SLC24A3: variants seen among roughly 807,000 people sequenced by gnomAD.
SLC24A3 encodes the protein sodium/potassium/calcium exchanger 3.
SLC24A3 carries 28 observed loss-of-function variants against 75.8 expected under a neutral mutation model. The observed-to-expected ratio is 0.37, with a 90% confidence interval of 0.27 to 0.51. SLC24A3 has a LOEUF of 0.51. Among genes scored for constraint, SLC24A3 ranks in the 20% least tolerant of loss-of-function variants. The probability of loss-of-function intolerance (pLI) is 0.94; values close to 1 mark genes in which losing one functional copy is unlikely to be tolerated. For synonymous variants in SLC24A3, 372 were observed against 334.1 expected (o/e 1.11, Z -1.24); for missense variants, 663 against 847.8 (o/e 0.78, Z 2.71).
At chr20:19,343,569 A>G (rs1568594954) in intron 2 of SLC24A3, among the ~76,000 whole-genome samples, 2 of 152,110 alleles carry the variant, frequency 1.3e-5, no homozygotes, top group Non-Finnish European at 2.9e-5. Flanking sequence ...AAGGAGAAAA[A>G]AAAAATGGTG....
At position 19,721,720 on chromosome 20, in the gene SLC24A3, A is replaced by C. The variant is rs2033106366; in HGVS notation, c.*580A>C. 6.5e-6 allele frequency: 1 copy of C among 152,996 alleles called. No individual in the cohort carries two copies. Among genetic ancestry groups the C allele is most frequent in the South Asian group, 2.1e-4 (1 of 4,840 alleles). The allele number at this position is 152,996 out of a possible 1,614,324, so 9.5% of individuals were successfully genotyped here. On this transcript the variant is annotated 3_prime_UTR_variant, in exon 17 of 17. Coordinates refer to ENST00000328041, the MANE Select transcript of SLC24A3 (RefSeq NM_020689.4). ...TCTTCTTCCACTGGGCTCTGGATTA[A>C]TCAATTACCCAAAGGCTGCACCTGC... is the stretch of plus-strand genomic sequence containing the variant.
intron 16 of SLC24A3, among the ~76,000 whole-genome samples, chr20:19,719,250 A>G (rs1380849097): frequency 1.3e-5 from 2 of 152,236 alleles, no homozygotes; most frequent in Non-Finnish European, 2.9e-5. Flanking sequence ...GTGGGCAGAC[A>G]TTCACAACTC....
intron 6 of SLC24A3, among the ~76,000 whole-genome samples, chr20:19,590,140 A>T (rs2031353558): frequency 6.7e-6 from 1 of 149,414 alleles, no homozygotes; most frequent in Non-Finnish European, 1.5e-5. Context: ...GGTTTTTGCC[A>T]TTGAAAGTAA....
intron 2 of SLC24A3, among the ~76,000 whole-genome samples, chr20:19,299,669 G>C (rs764960020): frequency 6.6e-6 from 1 of 152,202 alleles, no homozygotes; most frequent in Non-Finnish European, 1.5e-5. Flanking sequence ...TAAACGCAGA[G>C]AGGAGACTCC....
At chr20:19,608,570 C>T (rs1030022455) in intron 6 of SLC24A3, among the ~76,000 whole-genome samples, 2 of 152,178 alleles carry the variant, frequency 1.3e-5, no homozygotes, top group Admixed American at 1.3e-4. Context: ...AATACTTGCT[C>T]CATTTTTCAT....
rs1477962074 is a variant in SLC24A3, at chr20:19,364,495, ACC to A, written c.271+83410_271+83411del. ...TCTTGAGATAGGGTGTCACTCTGTCACCCAGGCTGGAGGGCAGTGGTGCAGTC... is the reference window on the plus strand; with the variant it reads ...TCTTGAGATAGGGTGTCACTCTGTCACAGGCTGGAGGGCAGTGGTGCAGTC... On this transcript the variant is annotated intron_variant, in intron 2 of 16. Transcript: ENST00000328041. 2.8e-3 allele frequency among the ~76,000 whole-genome samples: 429 copies of A among 152,044 alleles called. 3 individuals are homozygous for A. The highest frequency in any genetic ancestry group is 9.6e-3 in the African/African-American group (399 of 41,500).
chr20:19,639,991 G>T (rs574268057), intron 6 of SLC24A3, among the ~76,000 whole-genome samples: 1 of 152,228 alleles, frequency 6.6e-6, no homozygotes, highest in African/African-American at 2.4e-5. Context: ...GCGGAGCGCA[G>T]CCCTGATTCC....
Position 19,343,369 on chromosome 20 carries a change from G to A in SLC24A3, c.271+62282G>A, listed in dbSNP as rs372363284. Among the ~76,000 whole-genome samples, 73 of 152,288 alleles carry A rather than the reference G, an allele frequency of 4.8e-4. No individual in the cohort carries two copies. In the Middle Eastern group the frequency reaches 0.024, roughly 50 times the overall value. On this transcript the variant is annotated intron_variant, in intron 2 of 16. Transcript: ENST00000328041. ...CATCACCTACTCTATGTGTTTTCAT[G>A]TGTAATATGTGGATAATAAAAGGAC...
At chr20:19,667,473 C>A (rs1056573431) in intron 8 of SLC24A3, among the ~76,000 whole-genome samples, 2 of 152,216 alleles carry the variant, frequency 1.3e-5, no homozygotes, top group Non-Finnish European at 1.5e-5. Flanking sequence ...GTTAGCACAA[C>A]CACTGCTCCG....
chr20:19,589,137 C>G (rs2031338794), intron 6 of SLC24A3, among the ~76,000 whole-genome samples: 1 of 152,210 alleles, frequency 6.6e-6, no homozygotes, highest in Non-Finnish European at 1.5e-5. Flanking sequence ...CAAGTGCAAA[C>G]AGTTGATTTG....
chr20:19,671,639 TTTTTTTTG>T (rs149257547), intron 8 of SLC24A3, among the ~76,000 whole-genome samples: 25,068 of 150,468 alleles, frequency 0.17, 2,267 homozygotes, highest in African/African-American at 0.21. Context: ...AGGGTTGGTT[TTTTTTTTG>T]TTTTTTTGTT....
chr20:19,383,579 G>A (rs1600457613), intron 2 of SLC24A3, among the ~76,000 whole-genome samples: 1 of 152,150 alleles, frequency 6.6e-6, no homozygotes, highest in South Asian at 2.1e-4. Flanking sequence ...GAGGAATGTG[G>A]GGTTGGGGGC....
chr20:19,332,698 G>A (rs183916360), intron 2 of SLC24A3, among the ~76,000 whole-genome samples: 3 of 152,240 alleles, frequency 2.0e-5, no homozygotes, highest in East Asian at 3.9e-4. Flanking sequence ...GTTTCAGAAG[G>A]GTATTTGGGG....
At chr20:19,579,890 G>A (rs2031194589) in intron 3 of SLC24A3, 110 bp from the exon 4 acceptor site, 1 of 766,998 alleles carries the variant, frequency 1.3e-6, no homozygotes, top group South Asian at 1.6e-5. Context: ...TATTTAAGGT[G>A]TTGAATTCAT....
chr20:19,470,542 G>C (rs554817883), intron 2 of SLC24A3, among the ~76,000 whole-genome samples: 130 of 152,236 alleles, frequency 8.5e-4, no homozygotes, highest in African/African-American at 3.0e-3. Flanking sequence ...AAGTCTGTAC[G>C]CTGAACTTCT....
At chr20:19,315,032 C>G (rs1984552134) in intron 2 of SLC24A3, among the ~76,000 whole-genome samples, 1 of 152,170 alleles carries the variant, frequency 6.6e-6, no homozygotes, top group South Asian at 2.1e-4. Flanking sequence ...GGTGGTAGGG[C>G]CAGTGTGCTG....
intron 2 of SLC24A3, among the ~76,000 whole-genome samples, chr20:19,299,688 C>T (rs1009885754): frequency 1.3e-5 from 2 of 152,136 alleles, no homozygotes; most frequent in Non-Finnish European, 2.9e-5. Context: ...CCATTTGAGT[C>T]CTGAGTAGAA....
intron 2 of SLC24A3, among the ~76,000 whole-genome samples, chr20:19,364,880 A>G (rs1238705885): frequency 6.6e-6 from 1 of 152,174 alleles, no homozygotes; most frequent in African/African-American, 2.4e-5. Flanking sequence ...ACTAGGCCCT[A>G]CCAGAAAAGT....
chr20:19,664,223 A>G (rs1257652185), intron 7 of SLC24A3, among the ~76,000 whole-genome samples: 6 of 152,204 alleles, frequency 3.9e-5, no homozygotes, highest in Non-Finnish European at 7.3e-5. Context: ...TTTTTTGGCA[A>G]CAATCTTTTT....
Sources: allele counts gnomAD v4.1 joint callset (sites outside exome capture counted in the v4.1 genomes callset), GRCh38; gene constraint gnomAD v4.1.1; transcripts MANE v1.5; gene names NCBI Gene and HGNC (gene_info 2026-07-23, HGNC 2026-07-21).